The following KCTD16 variants were observed in gnomAD, a reference collection of about 807,000 sequenced individuals.
KCTD16 encodes the protein BTB/POZ domain-containing protein KCTD16.
A neutral mutation model predicts 33.2 loss-of-function variants in KCTD16; 13 were observed. The ratio of observed to expected loss-of-function variants is 0.39; its 90% CI spans 0.25 to 0.62. The LOEUF is 0.62. Ranked by LOEUF, KCTD16 falls within the 20% of genes least tolerant of loss-of-function variation. KCTD16 has a pLI of 0.50. For synonymous variants in KCTD16, 197 were observed against 195.3 expected (o/e 1.01, Z -0.07); for missense variants, 441 against 525.1 (o/e 0.84, Z 1.57).
intron 2 of KCTD16, among the ~76,000 whole-genome samples, chr5:144,185,905 A>G (rs1401062307): frequency 6.6e-6 from 1 of 152,152 alleles, no homozygotes; most frequent in Non-Finnish European, 1.5e-5. Context: ...AGAACTCTCT[A>G]AGTCAAGTGC....
chr5:144,248,420 T>C (rs1169275424), intron 3 of KCTD16, among the ~76,000 whole-genome samples: 1 of 152,194 alleles, frequency 6.6e-6, no homozygotes, highest in Non-Finnish European at 1.5e-5. Flanking sequence ...GCAGGAACTG[T>C]GGACAGTGAA....
intron 3 of KCTD16, among the ~76,000 whole-genome samples, chr5:144,399,420 G>A (rs1191146803): frequency 6.6e-6 from 1 of 151,868 alleles, no homozygotes; most frequent in Non-Finnish European, 1.5e-5. Context: ...TTTCAGCTTT[G>A]TAATTTGTTG....
At chr5:144,329,728 T>TCAAA (rs1349283552) in intron 3 of KCTD16, among the ~76,000 whole-genome samples, 3 of 152,290 alleles carry the variant, frequency 2.0e-5, no homozygotes, top group East Asian at 1.9e-4. Context: ...AAACACTCAA[T>TCAAA]CAAACAAACA....
At chr5:144,209,890 ATG>A in intron 3 of KCTD16, among the ~76,000 whole-genome samples, 1 of 144,346 alleles carries the variant, frequency 6.9e-6, no homozygotes, top group Non-Finnish European at 1.5e-5. Flanking sequence ...ATGTATATAT[ATG>A]TGTGTGTATA....
At chr5:144,270,735 G>C (rs1755270672) in intron 3 of KCTD16, among the ~76,000 whole-genome samples, 1 of 151,336 alleles carries the variant, frequency 6.6e-6, no homozygotes, top group Admixed American at 6.6e-5. Flanking sequence ...GAAATCAAAA[G>C]TTGGTTATTT....
intron 3 of KCTD16, among the ~76,000 whole-genome samples, chr5:144,410,944 A>G (rs145683139): frequency 6.6e-6 from 1 of 152,304 alleles, no homozygotes; most frequent in East Asian, 1.9e-4. Flanking sequence ...CCTAACCCCA[A>G]GTACCTTAGA....
rs1755047417 is a variant in KCTD16, at chr5:144,262,753, C to A, written c.832+55207C>A. ...ATTCATGCCCTACTCATTTAGAAAT[C>A]TTCAGTTTATTTGATTCATCTGTCC... On this transcript the variant is annotated intron_variant, in intron 3 of 3. Transcript: ENST00000512467. Among the ~76,000 whole-genome samples the A allele has an allele frequency of 2.0e-5, 3 of 152,160 alleles. No homozygotes were observed. The South Asian group carries it at 6.2e-4, about 31-fold the overall frequency.
intron 3 of KCTD16, among the ~76,000 whole-genome samples, chr5:144,468,736 A>G (rs1005325064): frequency 4.6e-5 from 7 of 152,226 alleles, no homozygotes; most frequent in African/African-American, 2.4e-5. Flanking sequence ...TACATCATTG[A>G]CAGAGAAGAC....
intron 3 of KCTD16, among the ~76,000 whole-genome samples, chr5:144,293,961 C>T (rs1755965558): frequency 6.6e-6 from 1 of 152,134 alleles, no homozygotes; most frequent in African/African-American, 2.4e-5. Flanking sequence ...AGATAGAGAC[C>T]ATTCCGGGAC....
rs189050210 is a variant in KCTD16, at chr5:144,371,168, A to G, written c.833-102492A>G. Among the ~76,000 whole-genome samples the G allele has an allele frequency of 3.3e-5, 5 of 152,264 alleles. No individual in the cohort carries two copies. In the East Asian group the frequency reaches 9.6e-4, roughly 29 times the overall value. On this transcript the variant is annotated intron_variant, in intron 3 of 3. Transcript: ENST00000512467. ...GGGTGGTTTTTGCCACCTGAAATCC[A>G]GAATTCCTGCCTCACTCTGCTTCAA... is the stretch of plus-strand genomic sequence containing the variant.
At chr5:144,249,166 C>T (rs1011243422) in intron 3 of KCTD16, among the ~76,000 whole-genome samples, 1 of 152,086 alleles carries the variant, frequency 6.6e-6, no homozygotes, top group East Asian at 1.9e-4. Context: ...CTATAAGGAC[C>T]TTATTTCTGT....
intron 2 of KCTD16, among the ~76,000 whole-genome samples, chr5:144,180,557 T>C (rs1024801119): frequency 1.3e-5 from 2 of 152,206 alleles, no homozygotes; most frequent in Admixed American, 1.3e-4. Flanking sequence ...ATCCAAAATT[T>C]GGGCAGGCTT....
intron 3 of KCTD16, among the ~76,000 whole-genome samples, chr5:144,413,791 A>C (rs1321982606): frequency 6.6e-6 from 1 of 152,250 alleles, no homozygotes; most frequent in Non-Finnish European, 1.5e-5. Context: ...TAACTTACAA[A>C]AATCTCTGAG....
intron 3 of KCTD16, among the ~76,000 whole-genome samples, chr5:144,418,986 G>A (rs1166813076): frequency 6.6e-6 from 1 of 152,094 alleles, no homozygotes; most frequent in Non-Finnish European, 1.5e-5. Context: ...AAGCCACACT[G>A]TCTTTAGTTA....
chr5:144,199,985 C>T (rs974253355), intron 2 of KCTD16, among the ~76,000 whole-genome samples: 3 of 151,878 alleles, frequency 2.0e-5, no homozygotes, highest in Admixed American at 1.3e-4. Flanking sequence ...AGTGCTTCCT[C>T]GTTTTGAAGA....
intron 3 of KCTD16, among the ~76,000 whole-genome samples, chr5:144,244,086 G>A (rs1362181102): frequency 6.6e-6 from 1 of 152,136 alleles, no homozygotes; most frequent in Non-Finnish European, 1.5e-5. Flanking sequence ...CTCTTTGGGA[G>A]TATTCTAACC....
intron 3 of KCTD16, among the ~76,000 whole-genome samples, chr5:144,388,646 A>G (rs1752384728): frequency 6.6e-6 from 1 of 152,122 alleles, no homozygotes. Context: ...CTCAATTCAC[A>G]TTTTCAGCCT....
At chr5:144,471,127 C>A (rs757501090) in intron 3 of KCTD16, among the ~76,000 whole-genome samples, 1 of 152,160 alleles carries the variant, frequency 6.6e-6, no homozygotes, top group Non-Finnish European at 1.5e-5. Flanking sequence ...TTGCAGTGAA[C>A]TGAGATCGTA....
At chr5:144,342,508 A>G (rs1752673354) in intron 3 of KCTD16, among the ~76,000 whole-genome samples, 2 of 152,216 alleles carry the variant, frequency 1.3e-5, no homozygotes. Context: ...ATATACAATC[A>G]TGTCATCATC....
Sources: allele counts gnomAD v4.1 joint callset (sites outside exome capture counted in the v4.1 genomes callset), GRCh38; gene constraint gnomAD v4.1.1; transcripts MANE v1.5; gene names NCBI Gene and HGNC (gene_info 2026-07-23, HGNC 2026-07-21).